UBE2E2: variants seen among roughly 807,000 people sequenced by gnomAD.
UBE2E2 encodes the protein ubiquitin conjugating enzyme E2 E2, also known as ubiquitin-conjugating enzyme E2 E2.
A neutral mutation model predicts 24.7 loss-of-function variants in UBE2E2; 6 were observed. The ratio of observed to expected loss-of-function variants is 0.24; its 90% CI spans 0.13 to 0.48. The LOEUF (loss-of-function observed/expected upper bound fraction) is 0.48, where lower values mean the gene tolerates loss of function less well. Among genes scored for constraint, UBE2E2 ranks in the 20% least tolerant of loss-of-function variants. UBE2E2 has a pLI of 0.99. For missense variants in UBE2E2, 169 were observed against 245.0 expected, an observed-to-expected ratio of 0.69 and a Z score of 2.07; for synonymous variants, 104 against 83.6, an observed-to-expected ratio of 1.24 and a Z score of -1.33.
intron 5 of UBE2E2, among the ~76,000 whole-genome samples, chr3:23,571,274 T>C (rs1696215984): frequency 7.5e-6 from 1 of 132,830 alleles, no homozygotes; most frequent in Non-Finnish European, 1.6e-5. Context: ...ACCTGTGTGC[T>C]CCTTTCTTTT....
chr3:23,245,993 G>T (rs966284856), intron 3 of UBE2E2, among the ~76,000 whole-genome samples: 1 of 152,146 alleles, frequency 6.6e-6, no homozygotes, highest in East Asian at 1.9e-4. Context: ...GACTTCAGGT[G>T]AATAGCTACC....
intron 5 of UBE2E2, among the ~76,000 whole-genome samples, chr3:23,561,994 T>C (rs575336667): frequency 6.6e-6 from 1 of 152,230 alleles, no homozygotes; most frequent in Non-Finnish European, 1.5e-5. Flanking sequence ...TTTCTAGATA[T>C]ACAATCATGT....
In UBE2E2 at chr3:23,445,020, A is replaced by G. The variant is rs141603429; in HGVS notation, c.228-54588A>G. ...TTACTCCCTCTACCTCCCCACTCCC[A>G]TGTAATCTTATGCCAAGTGATCGGT... On this transcript the variant is annotated intron_variant, in intron 3 of 5. Transcript: ENST00000396703. Among the ~76,000 whole-genome samples, 11 of 152,306 alleles carry G rather than the reference A, an allele frequency of 7.2e-5. No individual in the cohort carries two copies. In the East Asian group the frequency reaches 9.7e-4, roughly 13 times the overall value.
chr3:23,456,429 G>A (rs545832383), intron 3 of UBE2E2, among the ~76,000 whole-genome samples: 22 of 152,334 alleles, frequency 1.4e-4, no homozygotes, highest in Admixed American at 1.0e-3. Flanking sequence ...GAATCACTGC[G>A]AATGGGAGCT....
intron 3 of UBE2E2, among the ~76,000 whole-genome samples, chr3:23,324,631 T>A (rs1467233957): frequency 1.3e-5 from 2 of 152,130 alleles, no homozygotes; most frequent in Admixed American, 6.5e-5. Flanking sequence ...TATAAAAAAG[T>A]TAGGTTGTTT....
intron 3 of UBE2E2, among the ~76,000 whole-genome samples, chr3:23,444,101 C>T (rs2125410646): frequency 7.5e-6 from 1 of 133,970 alleles, no homozygotes; most frequent in South Asian, 2.3e-4. Context: ...GTGTTGCTTG[C>T]CTGCTGAAAT....
At chr3:23,330,580 G>C (rs1165577099) in intron 3 of UBE2E2, among the ~76,000 whole-genome samples, 2 of 152,188 alleles carry the variant, frequency 1.3e-5, no homozygotes, top group Non-Finnish European at 2.9e-5. Context: ...TGAGTCACTT[G>C]AATTTGGATA....
At chr3:23,304,786 G>T (rs1237173344) in intron 3 of UBE2E2, among the ~76,000 whole-genome samples, 1 of 151,904 alleles carries the variant, frequency 6.6e-6, no homozygotes, top group Non-Finnish European at 1.5e-5. Context: ...TTCATTCTTT[G>T]TTACATTGAA....
chr3:23,401,356 C>T (rs757891578), intron 3 of UBE2E2, among the ~76,000 whole-genome samples: 26 of 152,272 alleles, frequency 1.7e-4, no homozygotes, highest in Non-Finnish European at 3.8e-4. Context: ...TCACTTTATG[C>T]CAAATACTAT....
At chr3:23,585,034 C>T (rs546327680) in intron 5 of UBE2E2, among the ~76,000 whole-genome samples, 9 of 152,146 alleles carry the variant, frequency 5.9e-5, no homozygotes, top group Middle Eastern at 6.8e-3. Context: ...TGCAGTCTTA[C>T]GCTTTCATTC....
At chr3:23,353,404 G>A (rs1447898168) in intron 3 of UBE2E2, among the ~76,000 whole-genome samples, 1 of 151,968 alleles carries the variant, frequency 6.6e-6, no homozygotes, top group African/African-American at 2.4e-5. Flanking sequence ...GGCAGGAGAA[G>A]GAAATAAAGG....
At chr3:23,453,587 G>C (rs1017675444) in intron 3 of UBE2E2, among the ~76,000 whole-genome samples, 1 of 152,124 alleles carries the variant, frequency 6.6e-6, no homozygotes, top group Non-Finnish European at 1.5e-5. Context: ...ACAGTGGTTT[G>C]AGGATATTTT....
At chr3:23,458,548 G>A (rs1698735041) in intron 3 of UBE2E2, among the ~76,000 whole-genome samples, 1 of 152,052 alleles carries the variant, frequency 6.6e-6, no homozygotes, top group Non-Finnish European at 1.5e-5. Flanking sequence ...CTCCCGAGTA[G>A]CTGGGACCAC....
rs528694698 is a variant in UBE2E2 at position 23,519,249 on chromosome 3, G to GTTT, written c.361-13296_361-13294dup. 0.014 allele frequency among the ~76,000 whole-genome samples: 1,988 copies of GTTT among 146,844 alleles called. 91 individuals carry two copies. The East Asian group carries it at 0.17, about 13-fold the overall frequency. On this transcript the variant is annotated intron_variant, in intron 4 of 5. Transcript: ENST00000396703. ...TTAAGTGCACTTCTACTTTACCAAG[G>GTTT]TTTTTTTTTTTGCTATTTTATTCCT...
At chr3:23,301,690 C>A (rs1185010247) in intron 3 of UBE2E2, among the ~76,000 whole-genome samples, 1 of 152,172 alleles carries the variant, frequency 6.6e-6, no homozygotes, top group Non-Finnish European at 1.5e-5. Flanking sequence ...CAGTCCACCC[C>A]CTACTGAGAG....
At chr3:23,392,305 C>G (rs1472776905) in intron 3 of UBE2E2, among the ~76,000 whole-genome samples, 4 of 152,094 alleles carry the variant, frequency 2.6e-5, no homozygotes, top group Non-Finnish European at 5.9e-5. Context: ...ATGCATGAGA[C>G]TGTGTAAACT....
At chr3:23,527,229 A>G (rs1023756131) in intron 4 of UBE2E2, among the ~76,000 whole-genome samples, 3 of 152,212 alleles carry the variant, frequency 2.0e-5, no homozygotes, top group South Asian at 2.1e-4. Flanking sequence ...AAATGGTACA[A>G]CCACTCTGGG....
intron 3 of UBE2E2, among the ~76,000 whole-genome samples, chr3:23,352,063 C>G (rs1484766986): frequency 6.6e-6 from 1 of 152,150 alleles, no homozygotes; most frequent in Non-Finnish European, 1.5e-5. Context: ...CAAACTAGAG[C>G]TCAGGATTAA....
At chr3:23,208,628 C>G (rs770164997) in intron 1 of UBE2E2, 64 bp from the exon 2 acceptor site, 80 of 1,274,256 alleles carry the variant, frequency 6.3e-5, no homozygotes, top group Non-Finnish European at 7.9e-5. Context: ...GGCTCATTCT[C>G]TGTGTTCTGG....
Sources: gnomAD v4.1 joint callset for allele counts (sites outside exome capture counted in the v4.1 genomes callset) on GRCh38, gnomAD v4.1.1 for gene constraint, MANE v1.5 for transcripts, NCBI Gene and HGNC (gene_info 2026-07-23, HGNC 2026-07-21) for gene names.